Variants in PPP2R5A observed in about 807,000 individuals in gnomAD.
The protein encoded by PPP2R5A is serine/threonine-protein phosphatase 2A 56 kDa regulatory subunit alpha isoform.
A neutral mutation model predicts 64.2 loss-of-function variants in PPP2R5A; 25 were observed. The observed-to-expected ratio is 0.39, with a 90% CI of 0.28 to 0.54. The LOEUF is 0.54. Among genes scored for constraint, PPP2R5A ranks in the 20% least tolerant of loss-of-function variants. The probability of loss-of-function intolerance (pLI) is 0.67; values close to 1 mark genes in which losing one functional copy is unlikely to be tolerated. For missense variants in PPP2R5A, 425 were observed against 576.3 expected, an observed-to-expected ratio of 0.74 and a Z score of 2.69; for synonymous variants, 198 against 201.2, an observed-to-expected ratio of 0.98 and a Z score of 0.13.
chr1:212,318,291 G>GT (rs397771144), intron 1 of PPP2R5A, among the ~76,000 whole-genome samples: 45,304 of 149,252 alleles, frequency 0.3, 7,256 homozygotes, highest in Non-Finnish European at 0.37. Context: ...AGGCATATCT[G>GT]TTTTTTTTTT....
At chr1:212,323,025 A>G (rs1659340223) in intron 1 of PPP2R5A, among the ~76,000 whole-genome samples, 1 of 152,144 alleles carries the variant, frequency 6.6e-6, no homozygotes, top group South Asian at 2.1e-4. Context: ...TGACCTCGTG[A>G]TCTGCCCGCC....
chr1:212,307,665 G>GTT (rs1310657295), intron 1 of PPP2R5A, among the ~76,000 whole-genome samples: 1 of 152,074 alleles, frequency 6.6e-6, no homozygotes, highest in Non-Finnish European at 1.5e-5. Flanking sequence ...GTACTTTATA[G>GTT]TTACATAATT....
At chr1:212,354,304 G>A (rs34080686) in intron 8 of PPP2R5A, among the ~76,000 whole-genome samples, 25,181 of 151,986 alleles carry the variant, frequency 0.17, 2,526 homozygotes, top group South Asian at 0.29. Context: ...GATCTCTTGA[G>A]CCTAGGGGGT....
intron 1 of PPP2R5A, among the ~76,000 whole-genome samples, chr1:212,301,405 G>A (rs1194455747): frequency 6.6e-6 from 1 of 152,186 alleles, no homozygotes; most frequent in East Asian, 1.9e-4. Flanking sequence ...TTAAGTTCTT[G>A]AAAGTTTTAG....
At position 212,286,138 on chromosome 1, in the gene PPP2R5A, G is replaced by T; in HGVS notation, c.28G>T (p.Ala10Ser). 2 of 1,584,902 alleles carry T rather than the reference G, an allele frequency of 1.3e-6. No homozygotes were observed. Among genetic ancestry groups the T allele is most frequent in the South Asian group, 2.3e-5 (2 of 87,924 alleles). MSSSSPPAG[A>S]ASAAISASEK... ...GTCGTCGTCGTCGCCGCCGGCGGGG[G>T]CTGCCAGCGCCGCCATCTCGGCCTC... Residue 10 changes from alanine to serine, a missense_variant, in exon 1 of 13, where the codon GCT becomes TCT. By Grantham distance (99) the Ala-to-Ser change is moderately conservative. Transcript: ENST00000261461.
intron 8 of PPP2R5A, among the ~76,000 whole-genome samples, chr1:212,351,591 G>A (rs1358384965): frequency 6.6e-6 from 1 of 152,118 alleles, no homozygotes; most frequent in African/African-American, 2.4e-5. Flanking sequence ...GCGGGCACCT[G>A]TAATCCCAGC....
At position 212,358,762 on chromosome 1, in the gene PPP2R5A, A is replaced by G; in HGVS notation, c.1303A>G (p.Ser435Gly). The G allele has an allele frequency of 1.2e-6, 2 of 1,613,306 alleles. No homozygotes were observed. The highest frequency in any genetic ancestry group is 2.2e-5 in the East Asian group (1 of 44,784). ...MNGKLFDDLTSSYKAERQREK... is the reference protein window; with the variant it reads ...MNGKLFDDLTGSYKAERQREK... ...TGGCAAGCTTTTCGATGACCTTACTAGCTCATACAAAGCTGAAAGACAGAG... is the reference window on the plus strand; with the variant it reads ...TGGCAAGCTTTTCGATGACCTTACTGGCTCATACAAAGCTGAAAGACAGAG... Residue 435 changes from serine to glycine, a missense_variant, in exon 12 of 13, where the codon AGC (serine) becomes GGC (glycine). By Grantham distance (56) the Ser-to-Gly change is moderately conservative. Around this residue, in one of 4 missense-constraint regions of PPP2R5A, gnomAD observed 177 missense variants for 244.8 expected, o/e 0.72. Transcript: ENST00000261461.
intron 9 of PPP2R5A, 63 bp downstream of exon 9, chr1:212,356,739 C>A: frequency 1.3e-6 from 2 of 1,538,048 alleles, no homozygotes; most frequent in Non-Finnish European, 1.8e-6. Flanking sequence ...GGGCTATAAA[C>A]CATGCTTCTT....
At chr1:212,292,472 G>A (rs1658616999) in intron 1 of PPP2R5A, among the ~76,000 whole-genome samples, 1 of 141,142 alleles carries the variant, frequency 7.1e-6, no homozygotes. Flanking sequence ...GAAATTATAT[G>A]TTGGTTGTCT....
rs1163604324 is a variant in PPP2R5A, at chr1:212,320,509, CCA to C, written c.182-8625_182-8624del. ...GCTGGACAGAGGGGCTCCTCACTTC[CCA>C]GTAGGGGCGGCCGGGCAGAGGCGCC... On this transcript the variant is annotated intron_variant, in intron 1 of 12. Coordinates refer to ENST00000261461, the MANE Select transcript of PPP2R5A (RefSeq NM_006243.4). Among the ~76,000 whole-genome samples the C allele has an allele frequency of 7.2e-5, 11 of 152,154 alleles. No homozygotes were observed. The South Asian group carries it at 1.5e-3, about 20-fold the overall frequency.
chr1:212,358,657 A>G, intron 11 of PPP2R5A, 29 bp from the exon 12 acceptor site: 1 of 1,522,292 alleles, frequency 6.6e-7, no homozygotes, highest in Non-Finnish European at 9.1e-7. Flanking sequence ...GCAGTATCAT[A>G]ACTCAGGACT....
At chr1:212,348,196 C>G (rs1203288480) in intron 6 of PPP2R5A, among the ~76,000 whole-genome samples, 193 bp from the exon 7 acceptor site, 1 of 152,134 alleles carries the variant, frequency 6.6e-6, no homozygotes, top group Non-Finnish European at 1.5e-5. Context: ...TCCTAATTTT[C>G]TTTTGGAATC....
chr1:212,285,936 G>A lies in PPP2R5A; in HGVS notation c.-175G>A. The A allele has an allele frequency of 1.8e-6, 1 of 550,388 alleles. No individual in the cohort carries two copies. Among genetic ancestry groups the A allele is most frequent in the Non-Finnish European group, 2.9e-6 (1 of 350,276 alleles). The allele number at this position is 550,388 out of a possible 1,614,324, so 34.1% of individuals were successfully genotyped here. ...CTCCAGCGCTGAGATGTGGCCGTGAGGCGTTGGCGGGCGGCGAGGAGAAGC... is the reference window on the plus strand; with the variant it reads ...CTCCAGCGCTGAGATGTGGCCGTGAAGCGTTGGCGGGCGGCGAGGAGAAGC... On this transcript the variant is annotated 5_prime_UTR_variant, in exon 1 of 13. Transcript: ENST00000261461.
At position 212,330,822 on chromosome 1, in the gene PPP2R5A, T is replaced by G. The variant is rs185869792; in HGVS notation, c.378+1491T>G. ...AGGAAATTTTTGATTGTTGGGTTTGTTTTTTTTCCTTAGAGAGAATAAAAG... is the reference window on the plus strand; with the variant it reads ...AGGAAATTTTTGATTGTTGGGTTTGGTTTTTTTCCTTAGAGAGAATAAAAG... On this transcript the variant is annotated intron_variant, in intron 2 of 12. Coordinates refer to ENST00000261461, the MANE Select transcript of PPP2R5A (RefSeq NM_006243.4). Among the ~76,000 whole-genome samples, 85 of 151,894 alleles carry G rather than the reference T, an allele frequency of 5.6e-4. No individual in the cohort carries two copies. In the East Asian group the frequency reaches 7.3e-3, roughly 13 times the overall value.
At chr1:212,306,440 A>T (rs1658903134) in intron 1 of PPP2R5A, among the ~76,000 whole-genome samples, 1 of 152,202 alleles carries the variant, frequency 6.6e-6, no homozygotes, top group African/African-American at 2.4e-5. Context: ...CACTAATATC[A>T]AACAAAACAG....
In PPP2R5A at chr1:212,347,569, C is replaced by T. The variant is rs1239920696; in HGVS notation, c.764+163C>T. 6.8e-5 allele frequency among the ~76,000 whole-genome samples: 10 copies of T among 147,578 alleles called. No homozygotes were observed. In the East Asian group the frequency reaches 7.9e-4, roughly 12 times the overall value. ...TTTTTTTTTTTTTGAGACGGAGTTT[C>T]GCTCTTGTTGCCCAGGCTGGAGTGC... is the stretch of plus-strand genomic sequence containing the variant. On this transcript the variant is annotated intron_variant, in intron 6 of 12. Transcript: ENST00000261461.
In PPP2R5A at chr1:212,356,624, A is replaced by G; in HGVS notation, c.928-2A>G. On this transcript the variant is annotated splice_acceptor_variant, in intron 8 of 12. Coordinates refer to ENST00000261461, the MANE Select transcript of PPP2R5A (RefSeq NM_006243.4). LOFTEE classifies it high-confidence loss of function. ...TCATGCTAAACTTTTTCTTTTTCGC[A>G]GGTGATCAGAGGACTGCTGAAATTT... is the stretch of plus-strand genomic sequence containing the variant. The G allele has an allele frequency of 6.2e-7, 1 of 1,608,220 alleles. No homozygotes were observed. Among genetic ancestry groups the G allele is most frequent in the Non-Finnish European group, 8.5e-7 (1 of 1,178,080 alleles).
At chr1:212,343,009 G>A (rs1274130687) in intron 4 of PPP2R5A, among the ~76,000 whole-genome samples, 4 of 151,806 alleles carry the variant, frequency 2.6e-5, no homozygotes, top group Non-Finnish European at 5.9e-5. Flanking sequence ...GCACAGTGGT[G>A]CAACCTCAGC....
chr1:212,294,250 T>G (rs1658652739), intron 1 of PPP2R5A, among the ~76,000 whole-genome samples: 1 of 152,210 alleles, frequency 6.6e-6, no homozygotes, highest in African/African-American at 2.4e-5. Flanking sequence ...TTGAACTCAT[T>G]GTTAATCCCC....
Sources: allele counts gnomAD v4.1 joint callset (sites outside exome capture counted in the v4.1 genomes callset), GRCh38; gene constraint gnomAD v4.1.1; regional missense constraint gnomAD v4.1.1; transcripts MANE v1.5; gene names NCBI Gene and HGNC (gene_info 2026-07-23, HGNC 2026-07-21).